The following PPA1 variants were observed in gnomAD, a reference collection of about 807,000 sequenced individuals.
PPA1 encodes inorganic pyrophosphatase 1.
In PPA1, 23 loss-of-function variants were observed where a neutral mutation model predicts 41.8. The ratio of observed to expected loss-of-function variants is 0.55; its 90% CI spans 0.40 to 0.78. PPA1 has a LOEUF of 0.78. PPA1 is among the 30% of genes least tolerant of loss of function. The pLI is 0.00. For missense variants in PPA1, 320 were observed against 361.6 expected (o/e 0.89, Z 0.93); for synonymous variants, 101 against 116.8 (o/e 0.86, Z 0.87).
rs371184054 is a variant in PPA1 at position 70,213,577 on chromosome 10, C to T, written c.397G>A (p.Gly133Ser). 6.2e-7 allele frequency: 1 copy of T among 1,613,766 alleles called. No individual in the cohort carries two copies. Among genetic ancestry groups the T allele is most frequent in the Non-Finnish European group, 8.5e-7 (1 of 1,179,874 alleles). Residue 133 changes from glycine to serine, a missense_variant, in exon 6 of 11, where the codon GGT (glycine) becomes AGT (serine). Coordinates refer to ENST00000373232, the MANE Select transcript of PPA1 (RefSeq NM_021129.4). The stretch of plus-strand genomic sequence containing the variant: ...AGAACTTTCACGCCAATTATTTCAC[C>T]TCTTGCACATACCTGAGAGTCAATA... Reference protein sequence around the residue: ...CEIGSKVCARGEIIGVKVLGI... With the variant: ...CEIGSKVCARSEIIGVKVLGI...
chr10:70,228,256 C>G (rs148743929), intron 2 of PPA1, among the ~76,000 whole-genome samples: 106 of 152,288 alleles, frequency 7.0e-4, no homozygotes, highest in African/African-American at 1.8e-3. Flanking sequence ...ACACACTTAA[C>G]AGGACACCAA....
At chr10:70,204,693 T>G (rs896110024) in intron 10 of PPA1, 180 bp downstream of exon 10, 1 of 524,188 alleles carries the variant, frequency 1.9e-6, no homozygotes, top group African/African-American at 2.0e-5. Flanking sequence ...ATTAAGTATG[T>G]GAGGTAATGA....
At position 70,209,593 on chromosome 10, in the gene PPA1, T is replaced by C; in HGVS notation, c.604A>G (p.Asn202Asp). ...RYKVPDGKPE[N>D]EFAFNAEFKD... Reference sequence around the variant, plus strand: ...AATTCTGCATTAAACGCAAACTCATTTTCTGGTTTTCCATCAGGAACCTTA... The same window carrying C: ...AATTCTGCATTAAACGCAAACTCATCTTCTGGTTTTCCATCAGGAACCTTA... The change falls in exon 7 of 11, where the codon AAT (asparagine) becomes GAT (aspartate). Residue 202 changes from asparagine (N) to aspartate (D), a missense_variant. Physicochemically the swap from Asn to Asp is conservative, Grantham distance 23. Transcript: ENST00000373232. The C allele has an allele frequency of 6.2e-7, 1 of 1,606,330 alleles. No individual in the cohort carries two copies. Among genetic ancestry groups the C allele is most frequent in the Non-Finnish European group, 8.5e-7 (1 of 1,178,228 alleles).
intron 4 of PPA1, among the ~76,000 whole-genome samples, chr10:70,217,147 G>C (rs1395248525): frequency 6.7e-6 from 1 of 149,320 alleles, no homozygotes; most frequent in Non-Finnish European, 1.5e-5. Context: ...GACAAAGCAA[G>C]ACTCCATCTC....
chr10:70,232,534 C>T (rs1013300353), intron 1 of PPA1, among the ~76,000 whole-genome samples: 5 of 152,078 alleles, frequency 3.3e-5, no homozygotes, highest in African/African-American at 1.2e-4. Context: ...GGGGTAGGTA[C>T]CCCCTAGACG....
chr10:70,218,758 T>C lies in PPA1; in HGVS notation c.177+6A>G, dbSNP rs757083686. The C allele has an allele frequency of 6.2e-7, 1 of 1,601,732 alleles. No homozygotes were observed. Among genetic ancestry groups the C allele is most frequent in the Non-Finnish European group, 8.6e-7 (1 of 1,169,128 alleles). On this transcript the variant is annotated splice_donor_region_variant and intron_variant, in intron 3 of 10. Coordinates refer to ENST00000373232, the MANE Select transcript of PPA1 (RefSeq NM_021129.4). ...AGTCTGACTCAAATGTAAGGTGAAA[T>C]ATTACCTCCATTTTTGCATTAGACC...
intron 2 of PPA1, among the ~76,000 whole-genome samples, chr10:70,222,138 A>T (rs1307181270): frequency 6.6e-6 from 1 of 152,004 alleles, no homozygotes; most frequent in African/African-American, 2.4e-5. Context: ...GATCGAGACC[A>T]TCCTGGCTAA....
chr10:70,209,835 CG>C, intron 6 of PPA1, 150 bp from the exon 7 acceptor site: 1 of 928,496 alleles, frequency 1.1e-6, no homozygotes, highest in South Asian at 1.6e-5. Flanking sequence ...TGACTTATCA[CG>C]GAAGTTCAAG....
intron 2 of PPA1, among the ~76,000 whole-genome samples, chr10:70,220,765 A>T (rs370488781): frequency 0.066 from 101 of 1,538 alleles, 22 homozygotes; most frequent in African/African-American, 0.085. Flanking sequence ...TATATAATTT[A>T]TATATATATA....
chr10:70,233,194 C>T, intron 1 of PPA1, 70 bp downstream of exon 1: 1 of 1,495,086 alleles, frequency 6.7e-7, no homozygotes, highest in South Asian at 1.3e-5. Flanking sequence ...GCCGCACCCT[C>T]CCGGGGAGGC....
chr10:70,224,263 A>G (rs1225411254), intron 2 of PPA1, among the ~76,000 whole-genome samples: 1 of 151,862 alleles, frequency 6.6e-6, no homozygotes, highest in East Asian at 1.9e-4. Flanking sequence ...AAAAAAAAAA[A>G]AAAGTCTATT....
chr10:70,232,497 C>T (rs2136775266), intron 1 of PPA1, among the ~76,000 whole-genome samples: 1 of 152,336 alleles, frequency 6.6e-6, no homozygotes, highest in South Asian at 2.1e-4. Context: ...CTCCCGGTTT[C>T]CCCGTGCAGC....
intron 8 of PPA1, among the ~76,000 whole-genome samples, chr10:70,208,794 CTT>C (rs141989298): frequency 2.1e-3 from 264 of 126,580 alleles, no homozygotes; most frequent in African/African-American, 4.2e-3. Context: ...TTCTCGTACT[CTT>C]TTTTTTTTTT....
chr10:70,210,111 TCGCTCTGTCACCCA>T, intron 6 of PPA1: 1 of 294,952 alleles, frequency 3.4e-6, no homozygotes, highest in East Asian at 1.2e-4. Context: ...AGACAAGGTC[TCGCTCTGTCACCCA>T]CGCTGGAATG....
intron 1 of PPA1, 40 bp downstream of exon 1, chr10:70,233,224 G>A (rs1840312002): frequency 2.0e-6 from 3 of 1,524,430 alleles, no homozygotes; most frequent in Non-Finnish European, 8.8e-7. Context: ...GAATGAATGG[G>A]CGGACGGGCG....
In PPA1 at chr10:70,215,937, A is replaced by G. The variant is rs115871213; in HGVS notation, c.298-1351T>C. Among the ~76,000 whole-genome samples, 800 of 152,318 alleles carry G rather than the reference A, an allele frequency of 5.3e-3. 7 individuals are homozygous for G. Among genetic ancestry groups the G allele is most frequent in the African/African-American group, 0.017 (696 of 41,568 alleles). ...CAGAACATCTCACAAAAGAACTGAA[A>G]GCCTGTGCTAGCCAGGATGTTAGGT... On this transcript the variant is annotated intron_variant, in intron 4 of 10. Transcript: ENST00000373232.
intron 4 of PPA1, among the ~76,000 whole-genome samples, chr10:70,215,836 A>G (rs1473456513): frequency 1.3e-5 from 2 of 152,150 alleles, no homozygotes; most frequent in African/African-American, 4.8e-5. Context: ...CCCGGACTGA[A>G]AAGTTTAATC....
intron 4 of PPA1, among the ~76,000 whole-genome samples, chr10:70,217,201 T>G: frequency 6.6e-6 from 1 of 151,776 alleles, no homozygotes; most frequent in African/African-American, 2.4e-5. Context: ...GTTGACTACT[T>G]AAGAAAACAT....
intron 6 of PPA1, chr10:70,210,416 C>T (rs780471111): frequency 7.3e-7 from 1 of 1,364,476 alleles, no homozygotes; most frequent in Non-Finnish European, 9.8e-7. Context: ...AACACTATTA[C>T]ATACTAAAAG....
Sources: gnomAD v4.1 joint callset for allele counts (sites outside exome capture counted in the v4.1 genomes callset) on GRCh38, gnomAD v4.1.1 for gene constraint, MANE v1.5 for transcripts, NCBI Gene and HGNC (gene_info 2026-07-23, HGNC 2026-07-21) for gene names.